ACOT11: variants seen among roughly 807,000 people sequenced by gnomAD.
ACOT11 encodes acyl-coenzyme A thioesterase 11.
ACOT11 carries 69 observed loss-of-function variants against 77.5 expected under a neutral mutation model. The observed-to-expected ratio is 0.89, with a 90% confidence interval of 0.73 to 1.09. The LOEUF (loss-of-function observed/expected upper bound fraction) is 1.09, where lower values mean the gene tolerates loss of function less well. ACOT11 is among the 50% of genes least tolerant of loss of function. ACOT11 has a pLI of 0.00. For missense variants in ACOT11, 766 were observed against 813.7 expected, an observed-to-expected ratio of 0.94 and a Z score of 0.71; for synonymous variants, 279 against 313.0, an observed-to-expected ratio of 0.89 and a Z score of 1.15.
At position 54,607,365 on chromosome 1, in the gene ACOT11, C is replaced by T; in HGVS notation, c.1502+100C>T. ...GAAGGGCATCAGCCTGGAGCCAGAG[C>T]TCTGCTTCCCATTGGCTGTGGGGCC... On this transcript the variant is annotated intron_variant, in intron 14 of 15. Coordinates refer to ENST00000343744, the MANE Select transcript of ACOT11 (RefSeq NM_147161.4). This position sits in a 1 kb window ranked among gnomAD's most constrained non-coding sequence, Gnocchi z 4.5. The T allele has an allele frequency of 6.4e-7, 1 of 1,554,028 alleles. No homozygotes were observed. The highest frequency in any genetic ancestry group is 1.2e-5 in the South Asian group (1 of 83,746).
intron 3 of ACOT11, among the ~76,000 whole-genome samples, chr1:54,591,052 T>TTC (rs142586476): frequency 7.9e-5 from 12 of 151,044 alleles, no homozygotes; most frequent in Non-Finnish European, 1.3e-4. Context: ...TATATACACT[T>TTC]TCTCTCTCTC....
intron 1 of ACOT11, chr1:54,582,526 C>A (rs756650809): frequency 1.3e-5 from 13 of 985,338 alleles, no homozygotes; most frequent in Non-Finnish European, 1.6e-5. Flanking sequence ...GGCATAGGGT[C>A]CAACAGGAAG....
In ACOT11 at chr1:54,607,015, G is replaced by C. The variant is rs1644033826; in HGVS notation, c.1371-119G>C. On this transcript the variant is annotated intron_variant, in intron 13 of 15. Transcript: ENST00000343744. The surrounding 1 kb of genome is among the most constrained non-coding windows in gnomAD (Gnocchi z 4.5). ...CTGGCCCTTGCTGAGCAGTACAGGG[G>C]GTGACATCCCATCACAGAAGCTGCT... is the stretch of plus-strand genomic sequence containing the variant. The C allele has an allele frequency of 6.4e-6, 9 of 1,416,356 alleles. No homozygotes were observed. In the South Asian group the frequency reaches 6.7e-5, roughly 11 times the overall value. 87.7% of individuals were successfully genotyped at this position (1,416,356 alleles called of 1,614,324 possible).
intron 1 of ACOT11, among the ~76,000 whole-genome samples, chr1:54,548,795 C>T (rs543692244): frequency 7.9e-5 from 12 of 152,154 alleles, no homozygotes; most frequent in African/African-American, 2.2e-4. Flanking sequence ...GTGAGGTCGG[C>T]GTTCTTGGGG....
intron 15 of ACOT11, among the ~76,000 whole-genome samples, chr1:54,617,501 T>G (rs1248809418): frequency 6.6e-6 from 1 of 150,594 alleles, no homozygotes; most frequent in Non-Finnish European, 1.5e-5. Flanking sequence ...TACCCATTGC[T>G]CTAAACTTGA....
At chr1:54,560,475 C>T (rs991118514) in intron 1 of ACOT11, among the ~76,000 whole-genome samples, 33 of 152,158 alleles carry the variant, frequency 2.2e-4, no homozygotes, top group South Asian at 6.2e-4. Context: ...AATAATTTGT[C>T]CTCAGCAAAT....
chr1:54,585,459 G>T (rs1287835857), intron 2 of ACOT11, among the ~76,000 whole-genome samples: 1 of 152,176 alleles, frequency 6.6e-6, no homozygotes, highest in Non-Finnish European at 1.5e-5. Flanking sequence ...AGGGACGGGG[G>T]CTCCAGAAGG....
intron 15 of ACOT11, chr1:54,619,999 G>T (rs1644214162): frequency 1.2e-6 from 2 of 1,612,144 alleles, no homozygotes; most frequent in Non-Finnish European, 1.7e-6. Context: ...CAGGCCTCCA[G>T]CTCACAGCCT....
intron 1 of ACOT11, among the ~76,000 whole-genome samples, chr1:54,565,308 A>G (rs1167883751): frequency 6.6e-6 from 1 of 152,134 alleles, no homozygotes; most frequent in African/African-American, 2.4e-5. Context: ...TTCTGCAGTG[A>G]GCTCTTTTCC....
At chr1:54,576,524 A>G (rs907704529) in intron 1 of ACOT11, among the ~76,000 whole-genome samples, 1 of 150,416 alleles carries the variant, frequency 6.6e-6, no homozygotes, top group Non-Finnish European at 1.5e-5. Context: ...GCAAAGCAGA[A>G]TTTTGTAAAT....
chr1:54,611,734 G>C (rs756654246), downstream of ACOT11: 3 of 1,613,988 alleles, frequency 1.9e-6, no homozygotes, highest in Admixed American at 1.7e-5. Flanking sequence ...CTGCCACAGC[G>C]TCAGGCTGTA....
At chr1:54,565,975 C>T (rs1653717681) in intron 1 of ACOT11, among the ~76,000 whole-genome samples, 1 of 152,178 alleles carries the variant, frequency 6.6e-6, no homozygotes, top group Admixed American at 6.5e-5. Flanking sequence ...CCCCTCCCTC[C>T]CTCCTTCCTA....
chr1:54,609,198 C>G lies in ACOT11; in HGVS notation c.*86C>G, dbSNP rs1644078259. On this transcript the variant is annotated 3_prime_UTR_variant, in exon 16 of 16. Transcript: ENST00000343744. ...ACAGTGCCTGGAGAAAGCCAAAGAC[C>G]TTTATTTCTTCCTGCCTCCCCGTGG... is the stretch of plus-strand genomic sequence containing the variant. 5.0e-6 allele frequency: 8 copies of G among 1,594,996 alleles called. No individual in the cohort carries two copies. The highest frequency in any genetic ancestry group is 6.8e-6 in the Non-Finnish European group (8 of 1,169,392).
At chr1:54,600,013 CTGAG>C (rs1643943858) in intron 8 of ACOT11, among the ~76,000 whole-genome samples, 1 of 152,210 alleles carries the variant, frequency 6.6e-6, no homozygotes, top group South Asian at 2.1e-4. Flanking sequence ...CTTAACCCCT[CTGAG>C]TGTCAGTTCT....
At chr1:54,630,283 G>A (rs1423734051) in intron 15 of ACOT11, among the ~76,000 whole-genome samples, 1 of 79,560 alleles carries the variant, frequency 1.3e-5, no homozygotes, top group African/African-American at 3.3e-5. Flanking sequence ...GGAGGCCTAG[G>A]TGGGTTTGGA....
chr1:54,550,122 T>C (rs1487901907), intron 1 of ACOT11, among the ~76,000 whole-genome samples: 2 of 152,152 alleles, frequency 1.3e-5, no homozygotes, highest in Non-Finnish European at 2.9e-5. Context: ...TGGTAGGAAG[T>C]GGCAGAGCTG....
In ACOT11 at chr1:54,585,871, C is replaced by T; in HGVS notation, c.278C>T (p.Ser93Phe). 1 of 1,614,120 alleles carries T rather than the reference C, an allele frequency of 6.2e-7. No individual in the cohort carries two copies. The highest frequency in any genetic ancestry group is 8.5e-7 in the Non-Finnish European group (1 of 1,180,002). Residue 93 changes from serine to phenylalanine, a missense_variant, in exon 3 of 16, where the codon TCC (serine) becomes TTC (phenylalanine). Transcript: ENST00000343744. ...RHAGCPCVTA[S>F]MDDIYFEHTI... ...GCTGGCTGCCCCTGTGTCACAGCTT[C>T]CATGGATGACATCTATTTTGAGCAC...
At chr1:54,625,377 C>A (rs1238951666) in intron 15 of ACOT11, among the ~76,000 whole-genome samples, 1 of 152,136 alleles carries the variant, frequency 6.6e-6, no homozygotes, top group African/African-American at 2.4e-5. Flanking sequence ...TGTAGACAAG[C>A]AGGAACATTT....
rs1654423104 is a variant in ACOT11, at chr1:54,584,400, C to T, written c.34-255C>T. On this transcript the variant is annotated intron_variant, in intron 1 of 15. Coordinates refer to ENST00000343744, the MANE Select transcript of ACOT11 (RefSeq NM_147161.4). This position sits in a 1 kb window ranked among gnomAD's most constrained non-coding sequence, Gnocchi z 6.3. ...TCTGCATGGTTTTGTCTCCACTGGC[C>T]CACTCGGGTGCAAGGCCGTGTTCAT... 6.6e-6 allele frequency among the ~76,000 whole-genome samples: 1 copy of T among 152,156 alleles called. No homozygotes were observed. Among genetic ancestry groups the T allele is most frequent in the Non-Finnish European group, 1.5e-5 (1 of 68,032 alleles).
Sources: allele counts gnomAD v4.1 joint callset (sites outside exome capture counted in the v4.1 genomes callset), GRCh38; gene constraint gnomAD v4.1.1; non-coding constraint Gnocchi (gnomAD v3.1); transcripts MANE v1.5; gene names NCBI Gene and HGNC (gene_info 2026-07-23, HGNC 2026-07-21).